The following DAZAP1 variants were observed in gnomAD, a reference collection of about 807,000 sequenced individuals.
DAZAP1 encodes the protein DAZ associated protein 1.
A neutral mutation model predicts 60.1 loss-of-function variants in DAZAP1; 6 were observed. The ratio of observed to expected loss-of-function variants is 0.10; its 90% CI spans 0.05 to 0.20. DAZAP1 has a LOEUF of 0.20. Among genes scored for constraint, DAZAP1 ranks in the 10% least tolerant of loss-of-function variants. The probability of loss-of-function intolerance (pLI) is 1.00; values close to 1 mark genes in which losing one functional copy is unlikely to be tolerated. For synonymous variants in DAZAP1, 235 were observed against 215.9 expected, an observed-to-expected ratio of 1.09 and a Z score of -0.78; for missense variants, 366 against 560.4, an observed-to-expected ratio of 0.65 and a Z score of 3.50.
At chr19:1,413,309 C>T (rs1230622408) in intron 1 of DAZAP1, among the ~76,000 whole-genome samples, 4 of 152,244 alleles carry the variant, frequency 2.6e-5, no homozygotes, top group Non-Finnish European at 4.4e-5. Context: ...GCTGCCTGGG[C>T]AGTTGATGGA....
At position 1,422,329 on chromosome 19, in the gene DAZAP1, C is replaced by A. The variant is rs752472805; in HGVS notation, c.415-19C>A. ...GTGCTGGCCCTGGTGTCCGTGCTGA[C>A]GCCACCCTCTCCTTCCAGGTCACGG... On this transcript the variant is annotated intron_variant, in intron 5 of 11. Transcript: ENST00000233078. The surrounding 1 kb of genome is among the most constrained non-coding windows in gnomAD (Gnocchi z 4.5). 11 of 1,613,442 alleles carry A rather than the reference C, an allele frequency of 6.8e-6. No individual in the cohort carries two copies.
At chr19:1,409,646 G>A (rs955532508) in intron 1 of DAZAP1, among the ~76,000 whole-genome samples, 1 of 152,172 alleles carries the variant, frequency 6.6e-6, no homozygotes, top group African/African-American at 2.4e-5. Flanking sequence ...TCCATTCTAT[G>A]CGGAGTCCAC....
chr19:1,431,970 G>T (rs1469934492), intron 10 of DAZAP1: 3 of 159,986 alleles, frequency 1.9e-5, no homozygotes, highest in African/African-American at 7.2e-5. Context: ...TCCATCCTCT[G>T]GCCTGGATCA....
chr19:1,433,903 C>T lies in DAZAP1; in HGVS notation c.1049-834C>T, dbSNP rs370887002. On this transcript the variant is annotated intron_variant, in intron 11 of 11. Transcript: ENST00000233078. The surrounding 1 kb of genome is among the most constrained non-coding windows in gnomAD (Gnocchi z 6.1). ...GTGGACGTGGCTTCCTCTGCCGTCCCGGGCGGGGGTGGACGCTGGCGGTGC... is the reference window on the plus strand; with the variant it reads ...GTGGACGTGGCTTCCTCTGCCGTCCTGGGCGGGGGTGGACGCTGGCGGTGC... 4.1e-5 allele frequency: 57 copies of T among 1,374,974 alleles called. No homozygotes were observed. Among genetic ancestry groups the T allele is most frequent in the East Asian group, 1.4e-4 (6 of 43,420 alleles). 85.2% of individuals were successfully genotyped at this position (1,374,974 alleles called of 1,614,324 possible).
At chr19:1,430,759 A>G (rs535308582) in intron 10 of DAZAP1, among the ~76,000 whole-genome samples, 1 of 146,326 alleles carries the variant, frequency 6.8e-6, no homozygotes, top group Non-Finnish European at 1.5e-5. Flanking sequence ...TTCACTCTGT[A>G]GCCCAGGCTG....
chr19:1,428,780 C>G lies in DAZAP1; in HGVS notation c.547-62C>G. On this transcript the variant is annotated intron_variant, in intron 7 of 11. Coordinates refer to ENST00000233078, the MANE Select transcript of DAZAP1 (RefSeq NM_018959.4). This position sits in a 1 kb window ranked among gnomAD's most constrained non-coding sequence, Gnocchi z 4.0. Reference sequence around the variant, plus strand: ...AGTCATAAGTTACCCGAGGGTGTGTCTAAAGGGAAGGGGGTGCTGGGACCC... The same window carrying G: ...AGTCATAAGTTACCCGAGGGTGTGTGTAAAGGGAAGGGGGTGCTGGGACCC... The G allele has an allele frequency of 6.2e-7, 1 of 1,602,646 alleles. No homozygotes were observed. Among genetic ancestry groups the G allele is most frequent in the South Asian group, 1.1e-5 (1 of 89,984 alleles).
At chr19:1,429,535 A>T (rs924503706) in intron 8 of DAZAP1, among the ~76,000 whole-genome samples, 2 of 152,020 alleles carry the variant, frequency 1.3e-5, no homozygotes, top group African/African-American at 2.4e-5. Flanking sequence ...AGGGTTCCAG[A>T]TGTACGTCGT....
Position 1,422,418 on chromosome 19 carries a change from C to T in DAZAP1, c.463+22C>T. On this transcript the variant is annotated intron_variant, in intron 6 of 11. Coordinates refer to ENST00000233078, the MANE Select transcript of DAZAP1 (RefSeq NM_018959.4). The surrounding 1 kb of genome is among the most constrained non-coding windows in gnomAD (Gnocchi z 4.5). The stretch of plus-strand genomic sequence containing the variant: ...CGAGGTAAGGGCAGATCTAGTTTGA[C>T]CTCGGCCTTCTCCCTGCTCCTCCCT... 6.2e-7 allele frequency: 1 copy of T among 1,611,972 alleles called. No individual in the cohort carries two copies. Among genetic ancestry groups the T allele is most frequent in the Non-Finnish European group, 8.5e-7 (1 of 1,178,432 alleles).
Position 1,434,498 on chromosome 19 carries a change from G to A in DAZAP1, c.1049-239G>A. The A allele has an allele frequency of 2.0e-6, 1 of 498,882 alleles. No homozygotes were observed. The highest frequency in any genetic ancestry group is 3.6e-6 in the Non-Finnish European group (1 of 280,728). 30.9% of individuals were successfully genotyped at this position (498,882 alleles called of 1,614,324 possible). A position where few individuals can be genotyped will look rare whatever the true frequency, so the allele number is the denominator to read the frequency against. ...GAAGCGGTGAGGTTACGTGGGCCAT[G>A]GAGGGCTCTGGAAGCCGCTTTTCTC... On this transcript the variant is annotated intron_variant, in intron 11 of 11. Transcript: ENST00000233078. The surrounding 1 kb of genome is among the most constrained non-coding windows in gnomAD (Gnocchi z 8.0).
In DAZAP1 at chr19:1,428,946, C is replaced by A; in HGVS notation, c.651C>A (p.Gly217=). Residue 217 remains glycine, a synonymous_variant, in exon 8 of 12, where the codon GGC becomes GGA. Coordinates refer to ENST00000233078, the MANE Select transcript of DAZAP1 (RefSeq NM_018959.4). This position sits in a 1 kb window ranked among gnomAD's most constrained non-coding sequence, Gnocchi z 4.0. The part of the protein sequence containing the change: ...GSRVVPNAAN[G]WAGQPPPTWQ... ...GGGTTGTGCCCAACGCTGCCAATGG[C>A]TGGGCAGGCCAGCCCCCGCCCACGT... 1 of 1,611,392 alleles carries A rather than the reference C, an allele frequency of 6.2e-7. No homozygotes were observed. The highest frequency in any genetic ancestry group is 1.1e-5 in the South Asian group (1 of 90,950).
In DAZAP1 at chr19:1,418,066, ACACCCCC is replaced by A; in HGVS notation, c.71-130_71-124del. The A allele has an allele frequency of 2.4e-6, 2 of 828,866 alleles. No individual in the cohort carries two copies. Among genetic ancestry groups the A allele is most frequent in the Non-Finnish European group, 3.8e-6 (2 of 527,722 alleles). The allele number at this position is 828,866 out of a possible 1,614,324, so 51.3% of individuals were successfully genotyped here. A position where few individuals can be genotyped will look rare whatever the true frequency, so the allele number is the denominator to read the frequency against. ...GGCAGAATTCCCCAGCGCTTCCCGTACACCCCCCACCCCCAGTGCAGCATCGCTCGGT... is the reference window on the plus strand; with the variant it reads ...GGCAGAATTCCCCAGCGCTTCCCGTACACCCCCAGTGCAGCATCGCTCGGT... On this transcript the variant is annotated intron_variant, in intron 2 of 11. Coordinates refer to ENST00000233078, the MANE Select transcript of DAZAP1 (RefSeq NM_018959.4). The surrounding 1 kb of genome is among the most constrained non-coding windows in gnomAD (Gnocchi z 5.7).
chr19:1,434,470 A>G lies in DAZAP1; in HGVS notation c.1049-267A>G. ...CCCAACCACGTCTTCGGGATTGAAC[A>G]GGGAAGCGGTGAGGTTACGTGGGCC... On this transcript the variant is annotated intron_variant, in intron 11 of 11. Transcript: ENST00000233078. This position sits in a 1 kb window ranked among gnomAD's most constrained non-coding sequence, Gnocchi z 8.0. 2.4e-6 allele frequency: 1 copy of G among 418,840 alleles called. No individual in the cohort carries two copies. The highest frequency in any genetic ancestry group is 4.3e-6 in the Non-Finnish European group (1 of 232,522). The allele number at this position is 418,840 out of a possible 1,614,324, so 25.9% of individuals were successfully genotyped here.
intron 6 of DAZAP1, among the ~76,000 whole-genome samples, chr19:1,424,378 T>G (rs1415779356): frequency 9.3e-6 from 1 of 107,276 alleles, no homozygotes; most frequent in Non-Finnish European, 1.8e-5. Context: ...CCCCTCCGTC[T>G]GGTTGCAGAC....
At chr19:1,410,909 G>A (rs978432227) in intron 1 of DAZAP1, among the ~76,000 whole-genome samples, 4 of 152,244 alleles carry the variant, frequency 2.6e-5, no homozygotes, top group East Asian at 3.8e-4. Context: ...GGAGAAAGCC[G>A]CCTCTGGGCA....
In DAZAP1 at chr19:1,431,351, G is replaced by A. The variant is rs757407923; in HGVS notation, c.871+989G>A. Among the ~76,000 whole-genome samples, 9 of 151,126 alleles carry A rather than the reference G, an allele frequency of 6.0e-5. 1 individual carries two copies. The South Asian group carries it at 8.4e-4, about 14-fold the overall frequency. On this transcript the variant is annotated intron_variant, in intron 10 of 11. Coordinates refer to ENST00000233078, the MANE Select transcript of DAZAP1 (RefSeq NM_018959.4). ...TCACCGTGTTAGGCAGGATGGTCTC[G>A]ATCTCCTGACCTCGTGATTCGCCCG...
rs180745658 is a variant in DAZAP1, at chr19:1,422,045, G to T, written c.415-303G>T. ...TCCCCTGCTAGGATGCGTGGTCGGC[G>T]TTGTTGGCCCTTCATGTCCGTCAGC... On this transcript the variant is annotated intron_variant, in intron 5 of 11. Coordinates refer to ENST00000233078, the MANE Select transcript of DAZAP1 (RefSeq NM_018959.4). This position sits in a 1 kb window ranked among gnomAD's most constrained non-coding sequence, Gnocchi z 4.5. 1.3e-5 allele frequency among the ~76,000 whole-genome samples: 2 copies of T among 152,206 alleles called. No homozygotes were observed. The highest frequency in any genetic ancestry group is 4.8e-5 in the African/African-American group (2 of 41,450).
chr19:1,422,200 C>A lies in DAZAP1; in HGVS notation c.415-148C>A. ...CAGCCTTTCTCAGACAGCAGCCCCA[C>A]GGAGCAGCTGTTGCCCGTGCACCTC... is the stretch of plus-strand genomic sequence containing the variant. On this transcript the variant is annotated intron_variant, in intron 5 of 11. Transcript: ENST00000233078. This position sits in a 1 kb window ranked among gnomAD's most constrained non-coding sequence, Gnocchi z 4.5. The A allele has an allele frequency of 1.5e-6, 1 of 674,876 alleles. No homozygotes were observed. Among genetic ancestry groups the A allele is most frequent in the Non-Finnish European group, 2.6e-6 (1 of 385,578 alleles). The allele number at this position is 674,876 out of a possible 1,614,324, so 41.8% of individuals were successfully genotyped here. A position where few individuals can be genotyped will look rare whatever the true frequency, so the allele number is the denominator to read the frequency against.
In DAZAP1 at chr19:1,434,123, A is replaced by G; in HGVS notation, c.1049-614A>G. The G allele has an allele frequency of 2.4e-6, 1 of 412,298 alleles. No homozygotes were observed. The highest frequency in any genetic ancestry group is 3.0e-5 in the South Asian group (1 of 32,934). The allele number at this position is 412,298 out of a possible 1,614,324, so 25.5% of individuals were successfully genotyped here. A position where few individuals can be genotyped will look rare whatever the true frequency, so the allele number is the denominator to read the frequency against. On this transcript the variant is annotated intron_variant, in intron 11 of 11. Coordinates refer to ENST00000233078, the MANE Select transcript of DAZAP1 (RefSeq NM_018959.4). The surrounding 1 kb of genome is among the most constrained non-coding windows in gnomAD (Gnocchi z 8.0). ...CGTGAGCAGCTCTGTCCTTGTAAAG[A>G]CACCGCTGTCCATGCTCCTGAGGTC...
intron 2 of DAZAP1, 46 bp downstream of exon 2, chr19:1,417,586 G>C: frequency 6.4e-7 from 1 of 1,554,990 alleles, no homozygotes; most frequent in Non-Finnish European, 8.7e-7. Context: ...ATGGGCTCTA[G>C]GACCTCGGCC....
Sources: allele counts gnomAD v4.1 joint callset (sites outside exome capture counted in the v4.1 genomes callset), GRCh38; gene constraint gnomAD v4.1.1; non-coding constraint Gnocchi (gnomAD v3.1); transcripts MANE v1.5; gene names NCBI Gene and HGNC (gene_info 2026-07-23, HGNC 2026-07-21).